UNC5D: variants seen among roughly 807,000 people sequenced by gnomAD.
UNC5D encodes unc-5 netrin receptor D.
Under a neutral mutation model 105.4 loss-of-function variants are expected in UNC5D, and 39 were observed. That is an observed-to-expected ratio of 0.37 (90% confidence interval 0.29 to 0.48). The LOEUF is 0.48. Among genes scored for constraint, UNC5D ranks in the 20% least tolerant of loss-of-function variants. The pLI is 0.98. For synonymous variants in UNC5D, 452 were observed against 450.4 expected (o/e 1.00, Z -0.04); for missense variants, 991 against 1,202.4 (o/e 0.82, Z 2.60).
intron 1 of UNC5D, among the ~76,000 whole-genome samples, chr8:35,500,974 G>T (rs1811928148): frequency 6.6e-6 from 1 of 152,192 alleles, no homozygotes; most frequent in Non-Finnish European, 1.5e-5. Flanking sequence ...AGAGTACCAT[G>T]ATTCTTGGTA....
chr8:35,272,775 A>G (rs924120662), intron 1 of UNC5D, among the ~76,000 whole-genome samples: 4 of 152,224 alleles, frequency 2.6e-5, no homozygotes, highest in African/African-American at 9.6e-5. Flanking sequence ...CCAGGTTTTC[A>G]GTAGTCACTG....
chr8:35,527,451 G>A (rs756884399), intron 1 of UNC5D, among the ~76,000 whole-genome samples: 1 of 152,112 alleles, frequency 6.6e-6, no homozygotes, highest in Non-Finnish European at 1.5e-5. Flanking sequence ...TCTGTGTCTG[G>A]TGAGAGCCAG....
intron 4 of UNC5D, among the ~76,000 whole-genome samples, chr8:35,647,290 C>A (rs1010420123): frequency 2.0e-5 from 3 of 152,106 alleles, no homozygotes; most frequent in African/African-American, 7.2e-5. Context: ...AAGGACCACA[C>A]AAACCAGCAG....
chr8:35,404,993 C>A (rs1804710267), intron 1 of UNC5D, among the ~76,000 whole-genome samples: 1 of 152,152 alleles, frequency 6.6e-6, no homozygotes, highest in African/African-American at 2.4e-5. Flanking sequence ...ATATTCTATT[C>A]TTAACTAAAA....
chr8:35,406,701 A>C (rs1422674289), intron 1 of UNC5D, among the ~76,000 whole-genome samples: 1 of 152,176 alleles, frequency 6.6e-6, no homozygotes, highest in African/African-American at 2.4e-5. Context: ...GCTCTGATAC[A>C]ATTTTAGGAC....
intron 13 of UNC5D, among the ~76,000 whole-genome samples, 188 bp downstream of exon 13, chr8:35,750,997 TAAAG>T (rs1264150038): frequency 6.6e-6 from 1 of 152,072 alleles, no homozygotes; most frequent in African/African-American, 2.4e-5. Context: ...GGAATTGCAA[TAAAG>T]AGTTATTCAC....
At chr8:35,465,000 T>G (rs1305846570) in intron 1 of UNC5D, among the ~76,000 whole-genome samples, 1 of 152,182 alleles carries the variant, frequency 6.6e-6, no homozygotes, top group Non-Finnish European at 1.5e-5. Context: ...ACCTGGATAG[T>G]GATGGTTTTC....
At chr8:35,782,186 GTT>G (rs1055217281) in intron 16 of UNC5D, among the ~76,000 whole-genome samples, 1 of 152,178 alleles carries the variant, frequency 6.6e-6, no homozygotes, top group African/African-American at 2.4e-5. Flanking sequence ...TGAAATTCAA[GTT>G]TGGGGATGAA....
At chr8:35,354,143 T>C (rs1801421438) in intron 1 of UNC5D, among the ~76,000 whole-genome samples, 2 of 152,188 alleles carry the variant, frequency 1.3e-5, no homozygotes, top group South Asian at 2.1e-4. Flanking sequence ...GGAAAATTTA[T>C]TGGAATCACA....
At chr8:35,644,381 G>A in intron 4 of UNC5D, among the ~76,000 whole-genome samples, 1 of 152,194 alleles carries the variant, frequency 6.6e-6, no homozygotes, top group South Asian at 2.1e-4. Context: ...TCTATCCACA[G>A]GGGACCAAGA....
Position 35,465,247 on chromosome 8 carries a change from C to T in UNC5D, c.104-84045C>T, listed in dbSNP as rs1011646734. On this transcript the variant is annotated intron_variant, in intron 1 of 16. Coordinates refer to ENST00000404895, the MANE Select transcript of UNC5D (RefSeq NM_080872.4). ...CTATGCAAAAAGTACAAAAAATTAG[C>T]CAGTTGTGGTGGCATGCACCTGTAG... Among the ~76,000 whole-genome samples, 5 of 152,164 alleles carry T rather than the reference C, an allele frequency of 3.3e-5. No individual in the cohort carries two copies. The South Asian group carries it at 8.3e-4, about 25-fold the overall frequency.
intron 7 of UNC5D, among the ~76,000 whole-genome samples, chr8:35,690,276 A>G (rs1340343126): frequency 1.3e-5 from 2 of 152,128 alleles, no homozygotes; most frequent in Non-Finnish European, 2.9e-5. Flanking sequence ...GTGTTTGTAA[A>G]AGCCCAACTC....
intron 1 of UNC5D, among the ~76,000 whole-genome samples, chr8:35,250,135 C>A (rs1248792334): frequency 6.6e-6 from 1 of 151,990 alleles, no homozygotes; most frequent in Non-Finnish European, 1.5e-5. Flanking sequence ...TATAGAAACA[C>A]CCATGTGTGT....
intron 1 of UNC5D, among the ~76,000 whole-genome samples, chr8:35,511,902 A>G (rs535763264): frequency 6.6e-6 from 1 of 152,338 alleles, no homozygotes; most frequent in East Asian, 1.9e-4. Context: ...AACCTTGACC[A>G]GGACCTTCTG....
chr8:35,760,435 T>A (rs1032446646), intron 14 of UNC5D, among the ~76,000 whole-genome samples: 2 of 152,024 alleles, frequency 1.3e-5, no homozygotes, highest in African/African-American at 2.4e-5. Flanking sequence ...AAAAAAAAAA[T>A]TCAGGGAGAC....
At chr8:35,521,743 TC>T (rs1286167565) in intron 1 of UNC5D, among the ~76,000 whole-genome samples, 1 of 152,206 alleles carries the variant, frequency 6.6e-6, no homozygotes, top group African/African-American at 2.4e-5. Flanking sequence ...AGATTATTCT[TC>T]CTTCCGAAGT....
In UNC5D at chr8:35,505,935, T is replaced by A. The variant is rs1303875453; in HGVS notation, c.104-43357T>A. 2.0e-5 allele frequency among the ~76,000 whole-genome samples: 3 copies of A among 152,340 alleles called. No homozygotes were observed. The South Asian group carries it at 6.2e-4, about 32-fold the overall frequency. On this transcript the variant is annotated intron_variant, in intron 1 of 16. Coordinates refer to ENST00000404895, the MANE Select transcript of UNC5D (RefSeq NM_080872.4). ...CAACCTTAGAGGGTTATTGTGATAA[T>A]GAAATAATACACCGAAATATTTCAC...
intron 2 of UNC5D, among the ~76,000 whole-genome samples, chr8:35,561,272 G>A (rs1034097049): frequency 6.6e-6 from 1 of 152,032 alleles, no homozygotes; most frequent in East Asian, 1.9e-4. Flanking sequence ...TACCAACAAC[G>A]CCACAGAGCC....
intron 13 of UNC5D, among the ~76,000 whole-genome samples, chr8:35,754,301 T>C (rs1830415897): frequency 1.3e-5 from 2 of 152,214 alleles, no homozygotes; most frequent in South Asian, 4.1e-4. Context: ...CACCCTGGAA[T>C]GTGCTTCAAC....
Sources: gnomAD v4.1 joint callset for allele counts (sites outside exome capture counted in the v4.1 genomes callset) on GRCh38, gnomAD v4.1.1 for gene constraint, MANE v1.5 for transcripts, NCBI Gene and HGNC (gene_info 2026-07-23, HGNC 2026-07-21) for gene names.